The following KRABD3 variants were observed in gnomAD, a reference collection of about 807,000 sequenced individuals.
KRABD3 encodes KRAB domain containing 3.
the KRABD3 span, chr7:149,715,050 C>T: frequency 8.1e-7 from 1 of 1,229,780 alleles, no homozygotes; most frequent in Non-Finnish European, 1.0e-6. Context: ...AGGCTGAGCC[C>T]GGGGATGGCG....
chr7:149,720,004 C>G, the KRABD3 span: 2 of 1,542,426 alleles, frequency 1.3e-6, no homozygotes, highest in African/African-American at 2.8e-5. Flanking sequence ...CTCTTCTTTC[C>G]CAGGGACAGC....
the KRABD3 span, chr7:149,721,126 T>G: frequency 2.4e-6 from 3 of 1,267,254 alleles, no homozygotes; most frequent in East Asian, 2.5e-5. Context: ...TCCTCGTGGC[T>G]AGGCCGTGTG....
At chr7:149,724,658 G>T in the KRABD3 span, 2 of 1,531,380 alleles carry the variant, frequency 1.3e-6, no homozygotes, top group Non-Finnish European at 1.8e-6. Context: ...GCAGGGCCTG[G>T]ATACCTCCTG....
At chr7:149,720,569 C>A in the KRABD3 span, among the ~76,000 whole-genome samples, 2 of 152,228 alleles carry the variant, frequency 1.3e-5, no homozygotes, top group African/African-American at 4.8e-5. Context: ...CCTGGGCATT[C>A]CCCTGGGAGG....
At chr7:149,731,897 A>G in the KRABD3 span, 4 of 651,406 alleles carry the variant, frequency 6.1e-6, no homozygotes, top group Non-Finnish European at 8.2e-6. Context: ...CCTGTAATGC[A>G]CTTCAGGTTG....
chr7:149,730,184 G>T, the KRABD3 span: 1 of 1,571,394 alleles, frequency 6.4e-7, no homozygotes, highest in Non-Finnish European at 8.6e-7. Context: ...ACTGCCTGGA[G>T]AGCGCCCTGA....
chr7:149,714,978 C>T, the KRABD3 span: 6 of 1,176,562 alleles, frequency 5.1e-6, no homozygotes, highest in African/African-American at 3.2e-5. Context: ...CCTGGGCCGC[C>T]GCCGACGAGG....
chr7:149,727,669 T>G, the KRABD3 span, among the ~76,000 whole-genome samples: 1 of 152,224 alleles, frequency 6.6e-6, no homozygotes, highest in Non-Finnish European at 1.5e-5. Context: ...GGTAGCATGC[T>G]TCATGTGTTC....
At chr7:149,716,606 C>G in the KRABD3 span, among the ~76,000 whole-genome samples, 4 of 152,232 alleles carry the variant, frequency 2.6e-5, no homozygotes, top group Non-Finnish European at 5.9e-5. Flanking sequence ...TTCTCATTTT[C>G]TAAGAATTTT....
the KRABD3 span, chr7:149,719,358 C>A: frequency 3.7e-6 from 2 of 545,506 alleles, no homozygotes; most frequent in East Asian, 6.7e-5. The surrounding 1 kb of genome is among the most constrained non-coding windows in gnomAD (Gnocchi z 5.6). Context: ...GTTAGGACTT[C>A]AGCGTGTCTC....
chr7:149,721,685 G>C, the KRABD3 span: 1 of 901,730 alleles, frequency 1.1e-6, no homozygotes, highest in South Asian at 1.4e-5. Context: ...GTACGCCAGG[G>C]AGCAGGACAA....
At chr7:149,721,298 G>A in the KRABD3 span, 5 of 1,468,510 alleles carry the variant, frequency 3.4e-6, no homozygotes, top group African/African-American at 7.0e-5. Flanking sequence ...TTAGTACATG[G>A]CAAGGAAAGG....
At chr7:149,725,309 T>G in the KRABD3 span, 1 of 1,574,522 alleles carries the variant, frequency 6.4e-7, no homozygotes, top group Non-Finnish European at 8.6e-7. Context: ...CTCTCTCCTG[T>G]TCCAGCTGCC....
At chr7:149,725,377 A>G in the KRABD3 span, 12 of 1,608,578 alleles carry the variant, frequency 7.5e-6, no homozygotes, top group East Asian at 2.7e-4. Context: ...CATTCCCCCA[A>G]ATGGGTCGTC....
the KRABD3 span, among the ~76,000 whole-genome samples, chr7:149,717,785 G>A: frequency 2.6e-5 from 4 of 152,184 alleles, no homozygotes; most frequent in African/African-American, 7.2e-5. Context: ...CAGAGAGCCC[G>A]GCAGTAAGTG....
chr7:149,723,474 C>G, the KRABD3 span: 3 of 492,510 alleles, frequency 6.1e-6, no homozygotes, highest in South Asian at 9.3e-5. Flanking sequence ...AACAGTGACC[C>G]TGACAGCCCA....
chr7:149,731,568 C>T, the KRABD3 span: 8 of 914,426 alleles, frequency 8.7e-6, no homozygotes, highest in African/African-American at 6.7e-5. Context: ...CTCATTTAAT[C>T]ATTGTTTAAA....
chr7:149,723,334 C>T, the KRABD3 span, among the ~76,000 whole-genome samples: 1 of 152,226 alleles, frequency 6.6e-6, no homozygotes, highest in East Asian at 1.9e-4. Context: ...CCCGGAGAGG[C>T]TCCTGATGCC....
At chr7:149,729,670 C>G in the KRABD3 span, 7 of 985,444 alleles carry the variant, frequency 7.1e-6, no homozygotes, top group African/African-American at 1.0e-4. Context: ...GGTTTAACTT[C>G]CAGCAGAATT....
Sources: gnomAD v4.1 joint callset for allele counts (sites outside exome capture counted in the v4.1 genomes callset) on GRCh38, gnomAD v4.1.1 for gene constraint, Gnocchi (gnomAD v3.1) non-coding constraint, MANE v1.5 for transcripts, NCBI Gene and HGNC (gene_info 2026-07-23, HGNC 2026-07-21) for gene names.